The following MBNL2 variants were observed in gnomAD, a reference collection of about 807,000 sequenced individuals.
MBNL2 encodes muscleblind like splicing regulator 2, also known as muscleblind-like protein 2.
MBNL2 carries 17 observed loss-of-function variants against 41.9 expected under a neutral mutation model. The observed-to-expected ratio is 0.41, with a 90% CI of 0.28 to 0.61. MBNL2 has a LOEUF of 0.61. MBNL2 is among the 20% of genes least tolerant of loss of function. The pLI, the probability that MBNL2 is intolerant of heterozygous loss-of-function variation, is 0.35. For missense variants in MBNL2, 336 were observed against 505.6 expected, an observed-to-expected ratio of 0.66 and a Z score of 3.22; for synonymous variants, 195 against 182.9, an observed-to-expected ratio of 1.07 and a Z score of -0.53.
At chr13:97,307,627 T>A (rs934163999) in intron 2 of MBNL2, among the ~76,000 whole-genome samples, 4 of 152,218 alleles carry the variant, frequency 2.6e-5, no homozygotes, top group African/African-American at 9.6e-5. Context: ...TTGTGCAGAT[T>A]TGTGATATAA....
the MBNL2 span, among the ~76,000 whole-genome samples, chr13:97,170,820 C>T: frequency 6.6e-6 from 1 of 152,196 alleles, no homozygotes; most frequent in South Asian, 2.1e-4. Flanking sequence ...ATTCAGGCTC[C>T]TCTCCTCTCC....
At chr13:97,251,726 T>A (rs1283688627) in intron 1 of MBNL2, among the ~76,000 whole-genome samples, 2 of 152,186 alleles carry the variant, frequency 1.3e-5, no homozygotes, top group Non-Finnish European at 2.9e-5. Flanking sequence ...CAAGTTGAGT[T>A]TATAAATAAA....
At chr13:97,201,586 C>T in the MBNL2 span, among the ~76,000 whole-genome samples, 1 of 152,100 alleles carries the variant, frequency 6.6e-6, no homozygotes, top group Admixed American at 6.6e-5. Context: ...TTAGAAAGCT[C>T]TGTCTACTAA....
intron 1 of MBNL2, among the ~76,000 whole-genome samples, chr13:97,235,647 C>T (rs185438866): frequency 7.2e-5 from 11 of 152,238 alleles, no homozygotes; most frequent in South Asian, 2.1e-4. Flanking sequence ...AAAAACATGC[C>T]GGCGCAGCCT....
At chr13:97,299,879 A>T (rs1252074723) in intron 2 of MBNL2, among the ~76,000 whole-genome samples, 1 of 152,214 alleles carries the variant, frequency 6.6e-6, no homozygotes, top group Non-Finnish European at 1.5e-5. Context: ...CTGTAATAAG[A>T]GACCCAACAA....
At chr13:97,147,872 A>G in the MBNL2 span, among the ~76,000 whole-genome samples, 183 of 152,318 alleles carry the variant, frequency 1.2e-3, 1 homozygote, top group African/African-American at 4.0e-3. Flanking sequence ...GGGGGCAGTA[A>G]TAAAAGACAA....
intron 1 of MBNL2, among the ~76,000 whole-genome samples, chr13:97,239,441 T>C (rs74107595): frequency 8.4e-4 from 128 of 152,352 alleles, no homozygotes; most frequent in African/African-American, 2.8e-3. Context: ...TTTCTCTAGA[T>C]AATTATTAGC....
chr13:97,182,257 C>T, the MBNL2 span, among the ~76,000 whole-genome samples: 4 of 152,120 alleles, frequency 2.6e-5, no homozygotes, highest in Admixed American at 2.0e-4. Flanking sequence ...TACCAGGGCT[C>T]AGAATATACA....
chr13:97,294,242 C>G (rs554394839), intron 2 of MBNL2, among the ~76,000 whole-genome samples: 1 of 152,190 alleles, frequency 6.6e-6, no homozygotes, highest in South Asian at 2.1e-4. Flanking sequence ...TTCCAAAACC[C>G]CTCACCAATT....
the MBNL2 span, among the ~76,000 whole-genome samples, chr13:97,155,376 A>G: frequency 6.9e-6 from 1 of 145,204 alleles, no homozygotes; most frequent in Non-Finnish European, 1.5e-5. Context: ...GAAAAAAGTA[A>G]TTTTCTTTTT....
At chr13:97,345,220 A>G (rs1250529200) in intron 4 of MBNL2, among the ~76,000 whole-genome samples, 1 of 152,234 alleles carries the variant, frequency 6.6e-6, no homozygotes, top group Admixed American at 6.5e-5. Context: ...GGCCCTTCAT[A>G]TAACATCACT....
intron 5 of MBNL2, among the ~76,000 whole-genome samples, chr13:97,352,708 C>G (rs1223695703): frequency 1.3e-5 from 2 of 152,328 alleles, no homozygotes; most frequent in South Asian, 4.1e-4. Context: ...ATAGGGTTGC[C>G]ACAAACCTTC....
At chr13:97,278,860 A>G (rs912768059) in intron 2 of MBNL2, among the ~76,000 whole-genome samples, 1 of 152,242 alleles carries the variant, frequency 6.6e-6, no homozygotes, top group Non-Finnish European at 1.5e-5. Flanking sequence ...AAAACGGCCC[A>G]CAGGCACAGG....
chr13:97,197,366 C>A, the MBNL2 span, among the ~76,000 whole-genome samples: 1 of 152,180 alleles, frequency 6.6e-6, no homozygotes, highest in Admixed American at 6.5e-5. Flanking sequence ...TATTACACAT[C>A]TTTGGTTAAA....
rs59770420 is a variant in MBNL2, at chr13:97,347,044, GC to G, written c.783del (p.Ala262ArgfsTer7). 1 of 1,603,376 alleles carries G rather than the reference GC, an allele frequency of 6.2e-7. No homozygotes were observed. Among genetic ancestry groups the G allele is most frequent in the Non-Finnish European group, 8.5e-7 (1 of 1,175,720 alleles). On this transcript the variant is annotated frameshift_variant, in exon 5 of 9. Coordinates refer to ENST00000679496, the MANE Select transcript of MBNL2 (RefSeq NM_001382683.1). LOFTEE classifies it high-confidence loss of function. ...ANQAAVAAQAAAAAATVMTQS... is the reference protein window; with the variant it reads ...ANQAAVAAQAXAAAATVMTQS... ...CCAAGCTGCGGTGGCCGCCCAGGCAGCCGCGGCCGCGGCCACAGTCATGGTA... is the reference window on the plus strand; with the variant it reads ...CCAAGCTGCGGTGGCCGCCCAGGCAGCGCGGCCGCGGCCACAGTCATGGTA...
At chr13:97,389,247 A>T (rs763215101) in intron 8 of MBNL2, among the ~76,000 whole-genome samples, 8 of 152,206 alleles carry the variant, frequency 5.3e-5, no homozygotes, top group Non-Finnish European at 1.0e-4. Context: ...TGCCATAGGT[A>T]ACTTCCATAA....
At chr13:97,183,969 T>C in the MBNL2 span, among the ~76,000 whole-genome samples, 3 of 152,236 alleles carry the variant, frequency 2.0e-5, no homozygotes, top group African/African-American at 7.2e-5. Flanking sequence ...CTAATCATTC[T>C]GATGAGAGAA....
At chr13:97,168,221 C>T in the MBNL2 span, among the ~76,000 whole-genome samples, 10 of 152,276 alleles carry the variant, frequency 6.6e-5, no homozygotes, top group East Asian at 1.9e-3. Context: ...ACCTCAGCCT[C>T]TCAAAGTGCT....
At chr13:97,144,808 C>G in the MBNL2 span, among the ~76,000 whole-genome samples, 3 of 152,052 alleles carry the variant, frequency 2.0e-5, no homozygotes, top group South Asian at 4.1e-4. Flanking sequence ...TAAGGAAGAT[C>G]TCAAATAGGA....
Sources: allele counts gnomAD v4.1 joint callset (sites outside exome capture counted in the v4.1 genomes callset), GRCh38; gene constraint gnomAD v4.1.1; transcripts MANE v1.5; gene names NCBI Gene and HGNC (gene_info 2026-07-23, HGNC 2026-07-21).